The following ZFPM2 variants were observed in gnomAD, a reference collection of about 807,000 sequenced individuals.
ZFPM2 encodes zinc finger protein, FOG family member 2, also known as zinc finger protein ZFPM2.
A neutral mutation model predicts 98.6 loss-of-function variants in ZFPM2; 20 were observed. The ratio of observed to expected loss-of-function variants is 0.20; its 90% confidence interval spans 0.14 to 0.29. The LOEUF is 0.29. Among genes scored for constraint, ZFPM2 ranks in the 10% least tolerant of loss-of-function variants. ZFPM2 has a pLI of 1.00. For synonymous variants in ZFPM2, 518 were observed against 502.7 expected (o/e 1.03, Z -0.41); for missense variants, 1,310 against 1,388.6 (o/e 0.94, Z 0.90).
At chr8:105,512,458 T>A (rs986809131) in intron 3 of ZFPM2, among the ~76,000 whole-genome samples, 2 of 152,200 alleles carry the variant, frequency 1.3e-5, no homozygotes, top group Non-Finnish European at 2.9e-5. Context: ...ATGAAAACAG[T>A]CCATGAATAG....
At position 105,791,882 on chromosome 8, in the gene ZFPM2, G is replaced by T. The variant is rs190844937; in HGVS notation, c.739+2958G>T. Among the ~76,000 whole-genome samples the T allele has an allele frequency of 8.2e-4, 125 of 152,280 alleles. 1 individual carries two copies. The highest frequency in any genetic ancestry group is 2.9e-3 in the African/African-American group (120 of 41,556). On this transcript the variant is annotated intron_variant, in intron 6 of 7. Coordinates refer to ENST00000407775, the MANE Select transcript of ZFPM2 (RefSeq NM_012082.4). Reference sequence around the variant, plus strand: ...GATTTTCTAGTTTATTTGCATAGAGGTGTTTGTAGTATTCTCTGATGGTAG... The same window carrying T: ...GATTTTCTAGTTTATTTGCATAGAGTTGTTTGTAGTATTCTCTGATGGTAG...
chr8:105,531,684 A>G (rs1814301155), intron 3 of ZFPM2, among the ~76,000 whole-genome samples: 1 of 152,204 alleles, frequency 6.6e-6, no homozygotes, highest in Admixed American at 6.5e-5. Flanking sequence ...TTTCAGAATC[A>G]TTTTTGAAAA....
rs549214271 is a variant in ZFPM2, at chr8:105,392,136, G to A, written c.41-27008G>A. Among the ~76,000 whole-genome samples the A allele has an allele frequency of 2.4e-4, 36 of 152,294 alleles. 1 individual carries two copies. The South Asian group carries it at 7.5e-3, about 32-fold the overall frequency. On this transcript the variant is annotated intron_variant, in intron 1 of 7. Coordinates refer to ENST00000407775, the MANE Select transcript of ZFPM2 (RefSeq NM_012082.4). ...TCCATCAGAGCTCTTGGGTGATCAG[G>A]TGCACTGTCAATGAGCAGTAATATT...
intron 4 of ZFPM2, among the ~76,000 whole-genome samples, chr8:105,608,149 A>G (rs1045323116): frequency 3.9e-5 from 6 of 152,078 alleles, no homozygotes; most frequent in African/African-American, 1.2e-4. Context: ...TTGTGAACAC[A>G]AAGAAGGACG....
At chr8:105,784,199 C>G in intron 5 of ZFPM2, among the ~76,000 whole-genome samples, 1 of 152,118 alleles carries the variant, frequency 6.6e-6, no homozygotes, top group Non-Finnish European at 1.5e-5. Flanking sequence ...AATACTACTA[C>G]CCTCCACTCA....
rs1815825732 is a variant in ZFPM2, at chr8:105,590,772, A to G, written c.420+29291A>G. ...TGCATACGTGCGCACGCACACACAC[A>G]CACACACACACACAGAGTCAGTGGA... is the stretch of plus-strand genomic sequence containing the variant. On this transcript the variant is annotated intron_variant, in intron 4 of 7. Transcript: ENST00000407775. Among the ~76,000 whole-genome samples, 3 of 152,228 alleles carry G rather than the reference A, an allele frequency of 2.0e-5. No homozygotes were observed. The South Asian group carries it at 6.2e-4, about 31-fold the overall frequency.
chr8:105,416,020 T>A (rs542796917), intron 1 of ZFPM2, among the ~76,000 whole-genome samples: 1 of 152,168 alleles, frequency 6.6e-6, no homozygotes, highest in African/African-American at 2.4e-5. Context: ...ATATAGGTGC[T>A]TCTTTTTAAT....
chr8:105,657,643 C>T (rs540210410), intron 5 of ZFPM2, among the ~76,000 whole-genome samples: 2 of 152,208 alleles, frequency 1.3e-5, no homozygotes, highest in South Asian at 2.1e-4. Context: ...TTTTTGGGCA[C>T]GTACTTTATA....
intron 1 of ZFPM2, among the ~76,000 whole-genome samples, chr8:105,359,653 C>T (rs1471789933): frequency 4.6e-5 from 7 of 152,018 alleles, no homozygotes; most frequent in Non-Finnish European, 8.8e-5. Flanking sequence ...GGATTACAGG[C>T]GTGAGCCACC....
chr8:105,791,959 C>G (rs572914517), intron 6 of ZFPM2, among the ~76,000 whole-genome samples: 1 of 151,928 alleles, frequency 6.6e-6, no homozygotes, highest in African/African-American at 2.4e-5. Flanking sequence ...TTTTTTATTG[C>G]GTCTATTTGA....
chr8:105,763,878 C>T (rs999467348), intron 5 of ZFPM2, among the ~76,000 whole-genome samples: 8 of 151,724 alleles, frequency 5.3e-5, no homozygotes, highest in Non-Finnish European at 1.2e-4. Context: ...AAGATGGGAT[C>T]ATAAACATCA....
chr8:105,422,781 T>A lies in ZFPM2; in HGVS notation c.199+3479T>A, dbSNP rs1811830573. 3.3e-5 allele frequency among the ~76,000 whole-genome samples: 5 copies of A among 152,316 alleles called. No homozygotes were observed. The South Asian group carries it at 1.0e-3, about 32-fold the overall frequency. ...CATTATCAGGGGAGCATACTGAGGA[T>A]AAACATAGAGTTACTACATATATTT... On this transcript the variant is annotated intron_variant, in intron 2 of 7. Transcript: ENST00000407775.
At chr8:105,424,269 T>G (rs1383773833) in intron 2 of ZFPM2, among the ~76,000 whole-genome samples, 1 of 152,182 alleles carries the variant, frequency 6.6e-6, no homozygotes, top group African/African-American at 2.4e-5. Context: ...GTTATGATTT[T>G]AAAATAAAGG....
chr8:105,580,701 A>G (rs1341875856), intron 4 of ZFPM2, among the ~76,000 whole-genome samples: 3 of 151,986 alleles, frequency 2.0e-5, no homozygotes, highest in Non-Finnish European at 4.4e-5. Flanking sequence ...CATTTGAGAA[A>G]AGAAACACAA....
chr8:105,454,728 G>A (rs114701824), intron 3 of ZFPM2, among the ~76,000 whole-genome samples: 2,446 of 152,142 alleles, frequency 0.016, 59 homozygotes, highest in African/African-American at 0.056. Flanking sequence ...TCTTCCCTTC[G>A]TCCACTATTT....
chr8:105,801,381 C>T lies in ZFPM2; in HGVS notation c.1299C>T (p.Ser433=), dbSNP rs1563573190. The change falls in exon 8 of 8, where the codon AGC becomes AGT. Residue 433 remains serine (S), a synonymous_variant. Transcript: ENST00000407775. ...SQKAMQTKDA[S]SDTELDKCEK... is the part of the protein sequence containing the mutation. The stretch of plus-strand genomic sequence containing the variant: ...AGGCCATGCAGACTAAAGATGCGAG[C>T]TCTGACACAGAGCTGGACAAGTGTG... 3 of 1,613,934 alleles carry T rather than the reference C, an allele frequency of 1.9e-6. No homozygotes were observed. The highest frequency in any genetic ancestry group is 1.7e-6 in the Non-Finnish European group (2 of 1,179,866).
At chr8:105,558,645 T>TA (rs1815054878) in intron 3 of ZFPM2, among the ~76,000 whole-genome samples, 1 of 152,148 alleles carries the variant, frequency 6.6e-6, no homozygotes, top group Admixed American at 6.6e-5. Context: ...GAGTCACTGT[T>TA]TACTGAGTCC....
At chr8:105,415,804 GA>G (rs1563648476) in intron 1 of ZFPM2, among the ~76,000 whole-genome samples, 1 of 152,088 alleles carries the variant, frequency 6.6e-6, no homozygotes, top group Non-Finnish European at 1.5e-5. Context: ...TGTAGCTAAA[GA>G]AATGGTTAGT....
intron 1 of ZFPM2, among the ~76,000 whole-genome samples, chr8:105,392,096 G>T (rs1346075977): frequency 6.6e-6 from 1 of 152,128 alleles, no homozygotes; most frequent in Non-Finnish European, 1.5e-5. Flanking sequence ...AACAATATAG[G>T]TTTCCTTGTA....
Sources: gnomAD v4.1 joint callset for allele counts (sites outside exome capture counted in the v4.1 genomes callset) on GRCh38, gnomAD v4.1.1 for gene constraint, MANE v1.5 for transcripts, NCBI Gene and HGNC (gene_info 2026-07-23, HGNC 2026-07-21) for gene names.